The following CHODL variants were observed in gnomAD, a reference collection of about 807,000 sequenced individuals.
The protein encoded by CHODL is transmembrane protein MT75.
CHODL carries 29 observed loss-of-function variants against 34.5 expected under a neutral mutation model. The ratio of observed to expected loss-of-function variants is 0.84; its 90% CI spans 0.63 to 1.15. The LOEUF (loss-of-function observed/expected upper bound fraction) is 1.15. Ranked by LOEUF, CHODL falls within the 50% of genes most tolerant of loss-of-function variation. CHODL has a pLI of 0.00. For synonymous variants in CHODL, 125 were observed against 116.1 expected, an observed-to-expected ratio of 1.08 and a Z score of -0.49; for missense variants, 332 against 332.5, an observed-to-expected ratio of 1.00 and a Z score of 0.01.
intron 2 of CHODL, among the ~76,000 whole-genome samples, chr21:18,236,173 C>T (rs2074027140): frequency 6.6e-6 from 1 of 152,050 alleles, no homozygotes; most frequent in South Asian, 2.1e-4. Flanking sequence ...GCAAACACGT[C>T]CTTTTTCACA....
intron 1 of CHODL, among the ~76,000 whole-genome samples, chr21:18,024,408 A>C (rs2064154739): frequency 6.6e-6 from 1 of 152,220 alleles, no homozygotes; most frequent in African/African-American, 2.4e-5. Flanking sequence ...ATTCAGATGA[A>C]ATAAAAATTC....
chr21:18,029,147 C>A (rs181232461), intron 2 of CHODL, among the ~76,000 whole-genome samples: 1 of 152,212 alleles, frequency 6.6e-6, no homozygotes, highest in East Asian at 1.9e-4. Context: ...TGCGGATGAA[C>A]CAATATCATC....
chr21:18,098,550 C>T (rs2065169726), intron 2 of CHODL, among the ~76,000 whole-genome samples: 1 of 151,956 alleles, frequency 6.6e-6, no homozygotes, highest in Non-Finnish European at 1.5e-5. Context: ...GCTAAAATAG[C>T]TTTTATTCAA....
rs1212894827 is a variant in CHODL at position 18,013,635 on chromosome 21, C to CTTTTTTT, written c.-144-14226_-144-14220dup. Among the ~76,000 whole-genome samples, 43 of 71,888 alleles carry CTTTTTTT rather than the reference C, an allele frequency of 6.0e-4. 12 individuals are homozygous for CTTTTTTT. The highest frequency in any genetic ancestry group is 7.8e-4 in the Non-Finnish European group (31 of 39,820). 47.2% of individuals were successfully genotyped at this position (71,888 alleles called of 152,430 possible). A position where few individuals can be genotyped will look rare whatever the true frequency, so the allele number is the denominator to read the frequency against. On this transcript the variant is annotated intron_variant, in intron 1 of 6. Coordinates refer to the CHODL transcript ENST00000400127. ...GATCATTGATTTTCTGCTGCTGCTG[C>CTTTTTTT]TTTTTTTTTTTTTTTTTGAGACAGA...
At chr21:18,207,709 G>A (rs1261573183) in intron 2 of CHODL, among the ~76,000 whole-genome samples, 1 of 50,034 alleles carries the variant, frequency 2.0e-5, no homozygotes, top group African/African-American at 9.3e-5. Flanking sequence ...TATCTTTCAT[G>A]TTTAAAGGAT....
chr21:18,224,489 C>T (rs1188334559), intron 2 of CHODL, among the ~76,000 whole-genome samples: 2 of 152,058 alleles, frequency 1.3e-5, no homozygotes, highest in Non-Finnish European at 2.9e-5. Context: ...GTTAAGTTCC[C>T]TCATTATTAT....
chr21:18,108,956 AGAATAT>A (rs2065312663), intron 2 of CHODL, among the ~76,000 whole-genome samples: 1 of 152,120 alleles, frequency 6.6e-6, no homozygotes, highest in East Asian at 1.9e-4. Context: ...CACATATCAC[AGAATAT>A]TGAAATAGGA....
intron 1 of CHODL, among the ~76,000 whole-genome samples, chr21:17,952,194 C>CAAAAAAAA (rs58511535): frequency 9.5e-4 from 76 of 80,310 alleles, no homozygotes; most frequent in Middle Eastern, 8.8e-3. Context: ...TACTATGTCT[C>CAAAAAAAA]AAAAAAAAAA....
chr21:18,174,129 A>ATATATATATCTTGG (rs2073267840), intron 2 of CHODL, among the ~76,000 whole-genome samples: 3 of 11,336 alleles, frequency 2.6e-4, no homozygotes, highest in African/African-American at 4.5e-4. Context: ...TGGTGTATAT[A>ATATATATATCTTGG]TATATATATA....
At chr21:17,939,985 C>G (rs2146329471) in intron 1 of CHODL, among the ~76,000 whole-genome samples, 1 of 152,288 alleles carries the variant, frequency 6.6e-6, no homozygotes, top group East Asian at 1.9e-4. Flanking sequence ...GGTGTGTAAC[C>G]TGTGCTGTCA....
At chr21:18,020,162 C>G (rs2064114657) in intron 1 of CHODL, among the ~76,000 whole-genome samples, 1 of 152,098 alleles carries the variant, frequency 6.6e-6, no homozygotes, top group Non-Finnish European at 1.5e-5. Context: ...TTTCTATTTT[C>G]CCCGAAGAAC....
chr21:18,099,968 A>C (rs549602241), intron 2 of CHODL: 1 of 152,144 alleles, frequency 6.6e-6, no homozygotes, highest in African/African-American at 2.4e-5. Context: ...GATGTTATCC[A>C]CATATAAAGG....
intron 1 of CHODL, among the ~76,000 whole-genome samples, chr21:17,958,875 GTA>G (rs2063511909): frequency 6.6e-6 from 1 of 152,010 alleles, no homozygotes; most frequent in Non-Finnish European, 1.5e-5. Context: ...GTGGTTCAGT[GTA>G]TTCTTTCTGT....
chr21:18,065,069 T>C (rs1018953282), intron 2 of CHODL, among the ~76,000 whole-genome samples: 1 of 152,226 alleles, frequency 6.6e-6, no homozygotes, highest in African/African-American at 2.4e-5. Context: ...ATAGCATTCA[T>C]GGGTAGGCTC....
chr21:18,175,239 A>G (rs764775848), intron 2 of CHODL, among the ~76,000 whole-genome samples: 8 of 152,222 alleles, frequency 5.3e-5, no homozygotes, highest in Non-Finnish European at 1.0e-4. Flanking sequence ...TATCTTACAT[A>G]CCCATCCAGT....
chr21:18,239,445 T>C (rs1349433086), intron 2 of CHODL, among the ~76,000 whole-genome samples: 2 of 152,130 alleles, frequency 1.3e-5, no homozygotes, highest in African/African-American at 4.8e-5. Context: ...CTTTGGTTTT[T>C]TTCCGTTAAA....
intron 1 of CHODL, among the ~76,000 whole-genome samples, chr21:18,008,968 CAT>C (rs1485474405): frequency 6.6e-6 from 1 of 152,120 alleles, no homozygotes; most frequent in Non-Finnish European, 1.5e-5. Flanking sequence ...GAGTTTCAGA[CAT>C]ATTTATTTTA....
chr21:18,129,818 G>C (rs2072630585), intron 2 of CHODL, among the ~76,000 whole-genome samples: 1 of 151,990 alleles, frequency 6.6e-6, no homozygotes. Context: ...TTGCTTGGCA[G>C]TTGCAGTGCA....
chr21:18,257,221 T>A, intron 3 of CHODL, 94 bp downstream of exon 3: 1 of 1,181,664 alleles, frequency 8.5e-7, no homozygotes, highest in East Asian at 2.4e-5. Context: ...GCTCTTTTTG[T>A]TTTTCTGCTG....
Sources: allele counts gnomAD v4.1 joint callset (sites outside exome capture counted in the v4.1 genomes callset), GRCh38; gene constraint gnomAD v4.1.1; transcripts MANE v1.5; gene names NCBI Gene and HGNC (gene_info 2026-07-23, HGNC 2026-07-21).